DCTN6: variants seen among roughly 807,000 people sequenced by gnomAD.
DCTN6 encodes the protein dynactin 6.
Under a neutral mutation model 25.8 loss-of-function variants are expected in DCTN6, and 15 were observed. That is an observed-to-expected ratio of 0.58 (90% CI 0.39 to 0.89). The LOEUF (loss-of-function observed/expected upper bound fraction) is 0.89. Among genes scored for constraint, DCTN6 ranks in the 40% least tolerant of loss-of-function variants. DCTN6 has a pLI of 0.00. For missense variants in DCTN6, 198 were observed against 237.6 expected (o/e 0.83, Z 1.09); for synonymous variants, 64 against 78.3 (o/e 0.82, Z 0.96).
rs1327444701 is a variant in DCTN6, at chr8:30,170,833, T to C, written c.89-4252T>C. On this transcript the variant is annotated intron_variant, in intron 2 of 6. Coordinates refer to ENST00000221114, the MANE Select transcript of DCTN6 (RefSeq NM_006571.4). ...TTTTTGTGTTTTAGTAGAGATGGGG[T>C]TTCGCCATGTTGCCCGGTCTCGAAC... Among the ~76,000 whole-genome samples the C allele has an allele frequency of 4.0e-5, 6 of 151,746 alleles. No homozygotes were observed. The East Asian group carries it at 1.2e-3, about 29-fold the overall frequency.
At chr8:30,175,950 G>A (rs1027076904) in intron 3 of DCTN6, among the ~76,000 whole-genome samples, 1 of 152,172 alleles carries the variant, frequency 6.6e-6, no homozygotes, top group Non-Finnish European at 1.5e-5. Flanking sequence ...TCAATTAACA[G>A]CAACTATATT....
rs145427724 is a variant in DCTN6, at chr8:30,163,848, G to A, written c.24-263G>A. Among the ~76,000 whole-genome samples the A allele has an allele frequency of 9.3e-3, 1,421 of 152,068 alleles. 21 individuals are homozygous for A. Among genetic ancestry groups the A allele is most frequent in the South Asian group, 0.065 (310 of 4,806 alleles). On this transcript the variant is annotated intron_variant, in intron 1 of 6. Coordinates refer to ENST00000221114, the MANE Select transcript of DCTN6 (RefSeq NM_006571.4). ...CTCCCAAGTAGCTGGGATTACAGGT[G>A]CTCGCCACCACGCCTGGCTAGTTTT...
intron 5 of DCTN6, among the ~76,000 whole-genome samples, chr8:30,179,856 T>C (rs1427594864): frequency 6.6e-6 from 1 of 152,124 alleles, no homozygotes; most frequent in African/African-American, 2.4e-5. Context: ...GAAACAAATA[T>C]CATGTGCTTG....
rs1803634399 is a variant in DCTN6 at position 30,164,140 on chromosome 8, G to A, written c.53G>A (p.Cys18Tyr). Residue 18 changes from cysteine (C) to tyrosine (Y), a missense_variant, in exon 2 of 7, where the codon TGT (cysteine) becomes TAT (tyrosine). Coordinates refer to ENST00000221114, the MANE Select transcript of DCTN6 (RefSeq NM_006571.4). Reference sequence around the variant, plus strand: ...AAGATTGCTCCTGGAGCAGTTGTATGTGTAGAAAGTGAAATCAGAGGAGAT... The same window carrying A: ...AAGATTGCTCCTGGAGCAGTTGTATATGTAGAAAGTGAAATCAGAGGAGAT... ...SVKIAPGAVV[C>Y]VESEIRGDVT... 6.2e-7 allele frequency: 1 copy of A among 1,613,906 alleles called. No individual in the cohort carries two copies. Among genetic ancestry groups the A allele is most frequent in the Non-Finnish European group, 8.5e-7 (1 of 1,179,806 alleles).
In DCTN6 at chr8:30,177,385, A is replaced by G. The variant is rs141679900; in HGVS notation, c.283+171A>G. On this transcript the variant is annotated intron_variant, in intron 4 of 6. Coordinates refer to ENST00000221114, the MANE Select transcript of DCTN6 (RefSeq NM_006571.4). ...TCTATCAAACATACTTACATTCACAATATATATTATAATTACATTTTTAAA... is the reference window on the plus strand; with the variant it reads ...TCTATCAAACATACTTACATTCACAGTATATATTATAATTACATTTTTAAA... 63 of 515,940 alleles carry G rather than the reference A, an allele frequency of 1.2e-4. 1 individual carries two copies. The East Asian group carries it at 2.1e-3, about 17-fold the overall frequency. 32.0% of individuals were successfully genotyped at this position (515,940 alleles called of 1,614,324 possible).
chr8:30,180,917 A>C, intron 6 of DCTN6: 1 of 429,716 alleles, frequency 2.3e-6, no homozygotes, highest in South Asian at 6.2e-5. Flanking sequence ...ACTATAGTCC[A>C]GCTACTGAGG....
At chr8:30,169,879 A>G (rs867841398) in intron 2 of DCTN6, among the ~76,000 whole-genome samples, 7 of 152,352 alleles carry the variant, frequency 4.6e-5, no homozygotes, top group South Asian at 4.1e-4. Flanking sequence ...CCTTCCTTTA[A>G]GAAGTTCACC....
intron 6 of DCTN6, 120 bp downstream of exon 6, chr8:30,180,750 T>C: frequency 8.1e-7 from 1 of 1,240,946 alleles, no homozygotes; most frequent in Non-Finnish European, 1.1e-6. Flanking sequence ...AAACAAAAGA[T>C]GCCAGTCTCA....
intron 1 of DCTN6, among the ~76,000 whole-genome samples, chr8:30,160,254 C>T (rs1488910043): frequency 6.6e-6 from 1 of 152,110 alleles, no homozygotes; most frequent in Non-Finnish European, 1.5e-5. Context: ...TCATGGGAGC[C>T]GTTTCCCCCA....
chr8:30,156,501 A>C, intron 1 of DCTN6, 95 bp downstream of exon 1: 8 of 1,441,424 alleles, frequency 5.6e-6, no homozygotes, highest in African/African-American at 1.4e-5. Flanking sequence ...AAGGTGTCTC[A>C]TCCTGGGCAT....
intron 1 of DCTN6, among the ~76,000 whole-genome samples, chr8:30,162,195 T>G (rs939660940): frequency 6.0e-5 from 9 of 150,368 alleles, no homozygotes; most frequent in African/African-American, 2.2e-4. Flanking sequence ...GTTCATGCCA[T>G]TCTCCTGCCT....
chr8:30,164,288 T>C lies in DCTN6; in HGVS notation c.88+113T>C, dbSNP rs923449759. The C allele has an allele frequency of 5.2e-5, 44 of 841,882 alleles. No homozygotes were observed. The African/African-American group carries it at 6.1e-4, about 12-fold the overall frequency. The allele number at this position is 841,882 out of a possible 1,614,324, so 52.2% of individuals were successfully genotyped here. ...TTATTTCACTGATGTCCTAGTTTTA[T>C]TGACAAAATAATGCATTTTCTCCTA... On this transcript the variant is annotated intron_variant, in intron 2 of 6. Coordinates refer to ENST00000221114, the MANE Select transcript of DCTN6 (RefSeq NM_006571.4).
chr8:30,180,365 G>C, intron 5 of DCTN6, 123 bp from the exon 6 acceptor site: 1 of 1,244,068 alleles, frequency 8.0e-7, no homozygotes, highest in Middle Eastern at 2.8e-4. Context: ...CCAAACTGAT[G>C]TATTTTCTTT....
intron 5 of DCTN6, 68 bp downstream of exon 5, chr8:30,179,523 C>CA: frequency 7.2e-7 from 1 of 1,398,518 alleles, no homozygotes; most frequent in South Asian, 1.3e-5. Context: ...TCCTGGGAAA[C>CA]AACCTAATAG....
intron 1 of DCTN6, among the ~76,000 whole-genome samples, chr8:30,158,843 A>G (rs1009787185): frequency 4.9e-5 from 7 of 143,842 alleles, no homozygotes; most frequent in African/African-American, 1.6e-4. Flanking sequence ...GTGCAGTGGC[A>G]CAATCTCTGC....
chr8:30,164,256 T>G, intron 2 of DCTN6, 81 bp downstream of exon 2: 1 of 1,070,196 alleles, frequency 9.3e-7, no homozygotes, highest in Non-Finnish European at 1.4e-6. Flanking sequence ...GATACCGTCT[T>G]CCATGTTTAT....
At chr8:30,178,369 AG>A (rs2117598013) in intron 4 of DCTN6, among the ~76,000 whole-genome samples, 1 of 151,970 alleles carries the variant, frequency 6.6e-6, no homozygotes, top group African/African-American at 2.4e-5. Context: ...AGGCTGAGGC[AG>A]GAGAATCACT....
chr8:30,161,409 C>A lies in DCTN6; in HGVS notation c.24-2702C>A, dbSNP rs377010782. Among the ~76,000 whole-genome samples, 35 of 152,242 alleles carry A rather than the reference C, an allele frequency of 2.3e-4. No homozygotes were observed. The East Asian group carries it at 5.4e-3, about 23-fold the overall frequency. Reference sequence around the variant, plus strand: ...GATTAGACCAACTGCCTCCCTGACCCCCCCCACCACCAAGTACTTCTTCAT... The same window carrying A: ...GATTAGACCAACTGCCTCCCTGACCACCCCCACCACCAAGTACTTCTTCAT... On this transcript the variant is annotated intron_variant, in intron 1 of 6. Transcript: ENST00000221114.
intron 1 of DCTN6, among the ~76,000 whole-genome samples, chr8:30,156,895 C>T (rs764168613): frequency 2.0e-5 from 3 of 152,176 alleles, no homozygotes; most frequent in Non-Finnish European, 4.4e-5. Context: ...AAGGGATTTA[C>T]GGTCGCTGTC....
Sources: gnomAD v4.1 joint callset for allele counts (sites outside exome capture counted in the v4.1 genomes callset) on GRCh38, gnomAD v4.1.1 for gene constraint, MANE v1.5 for transcripts, NCBI Gene and HGNC (gene_info 2026-07-23, HGNC 2026-07-21) for gene names.